Variants in ATP11B observed in about 807,000 individuals in gnomAD.
The protein encoded by ATP11B is ATPase phospholipid transporting 11B (putative).
ATP11B carries 81 observed loss-of-function variants against 157.8 expected under a neutral mutation model. That is an observed-to-expected ratio of 0.51 (90% CI 0.43 to 0.62). The LOEUF is 0.62. ATP11B is among the 20% of genes least tolerant of loss of function. ATP11B has a pLI of 0.00. For synonymous variants in ATP11B, 451 were observed against 469.4 expected (o/e 0.96, Z 0.51); for missense variants, 1,165 against 1,402.2 (o/e 0.83, Z 2.70).
chr3:182,898,872 T>C (rs183463029), intron 28 of ATP11B, 100 bp downstream of exon 28: 34 of 788,718 alleles, frequency 4.3e-5, no homozygotes, highest in Non-Finnish European at 5.8e-5. Context: ...AATAGGAAAT[T>C]AGCCATTCCT....
chr3:182,863,858 T>C (rs1212873936), intron 12 of ATP11B, among the ~76,000 whole-genome samples: 1 of 152,082 alleles, frequency 6.6e-6, no homozygotes, highest in Non-Finnish European at 1.5e-5. Flanking sequence ...TAATGTATCT[T>C]ATATATTTTC....
chr3:182,906,661 C>A (rs1724375622), intron 28 of ATP11B, among the ~76,000 whole-genome samples: 1 of 152,000 alleles, frequency 6.6e-6, no homozygotes, highest in African/African-American at 2.4e-5. Context: ...GTGTTGCACA[C>A]ACTGGTCTCA....
At chr3:182,811,833 C>T (rs1424402658) in intron 1 of ATP11B, among the ~76,000 whole-genome samples, 1 of 152,030 alleles carries the variant, frequency 6.6e-6, no homozygotes, top group East Asian at 1.9e-4. Flanking sequence ...TTTTGATAAA[C>T]ATTAAAAATG....
intron 10 of ATP11B, among the ~76,000 whole-genome samples, chr3:182,854,476 ACAAAAC>A (rs1560089207): frequency 2.4e-5 from 1 of 41,792 alleles, no homozygotes; most frequent in Non-Finnish European, 1.2e-4. Flanking sequence ...ATCTAAAAAA[ACAAAAC>A]AAAACAAAAC....
intron 12 of ATP11B, among the ~76,000 whole-genome samples, chr3:182,863,155 C>T (rs185243263): frequency 1.3e-5 from 2 of 152,170 alleles, no homozygotes; most frequent in East Asian, 1.9e-4. Context: ...CCACCCGCCT[C>T]GGCCTCCCAA....
At position 182,921,214 on chromosome 3, in the gene ATP11B, A is replaced by T. The variant is rs943190560; in HGVS notation, c.*3110A>T. ...AGTTTGGGGTATGATATAAGCAGGT[A>T]TTAATAAAAATAACACACCAAAGAG... On this transcript the variant is annotated 3_prime_UTR_variant, in exon 30 of 30. Coordinates refer to ENST00000323116, the MANE Select transcript of ATP11B (RefSeq NM_014616.3). 4 of 152,244 alleles carry T rather than the reference A, an allele frequency of 2.6e-5. No homozygotes were observed. Among genetic ancestry groups the T allele is most frequent in the African/African-American group, 9.6e-5 (4 of 41,468 alleles). The allele number at this position is 152,244 out of a possible 1,614,324, so 9.4% of individuals were successfully genotyped here.
intron 28 of ATP11B, among the ~76,000 whole-genome samples, chr3:182,904,764 CTGT>C (rs1206516056): frequency 6.6e-5 from 10 of 152,008 alleles, no homozygotes; most frequent in Non-Finnish European, 1.5e-4. Context: ...TGGCAGGCGC[CTGT>C]AACCCCAGCT....
intron 7 of ATP11B, among the ~76,000 whole-genome samples, chr3:182,838,962 T>TG (rs1718782752): frequency 6.6e-6 from 1 of 152,140 alleles, no homozygotes; most frequent in Non-Finnish European, 1.5e-5. Flanking sequence ...GATACAAAGT[T>TG]GGGGCTCTCA....
intron 28 of ATP11B, among the ~76,000 whole-genome samples, chr3:182,908,990 C>A (rs1020029242): frequency 6.6e-6 from 1 of 152,082 alleles, no homozygotes; most frequent in Non-Finnish European, 1.5e-5. Context: ...GGGCAAAAGA[C>A]CTAGCATGGT....
chr3:182,877,880 G>A (rs1352098933), intron 19 of ATP11B, among the ~76,000 whole-genome samples: 1 of 152,106 alleles, frequency 6.6e-6, no homozygotes, highest in Non-Finnish European at 1.5e-5. Context: ...AGATCATAAT[G>A]TGATTCATGA....
At chr3:182,801,607 T>TC (rs1347904875) in intron 1 of ATP11B, among the ~76,000 whole-genome samples, 1 of 152,104 alleles carries the variant, frequency 6.6e-6, no homozygotes, top group Non-Finnish European at 1.5e-5. Flanking sequence ...TTTTATCTAT[T>TC]CCCCCCACCC....
chr3:182,872,628 T>C (rs1721748914), intron 18 of ATP11B, 91 bp downstream of exon 18: 1 of 1,072,062 alleles, frequency 9.3e-7, no homozygotes, highest in Non-Finnish European at 1.3e-6. Flanking sequence ...TTCTCTTTAC[T>C]AACATCCCAT....
chr3:182,819,236 T>A (rs1466266170), intron 1 of ATP11B, among the ~76,000 whole-genome samples: 1 of 147,414 alleles, frequency 6.8e-6, no homozygotes, highest in African/African-American at 2.7e-5. Context: ...GCCCGGCTAA[T>A]TTTTTTTGTA....
intron 15 of ATP11B, among the ~76,000 whole-genome samples, chr3:182,868,552 G>A (rs1721414323): frequency 6.6e-6 from 1 of 151,948 alleles, no homozygotes; most frequent in African/African-American, 2.4e-5. Flanking sequence ...AGAGAGGCAC[G>A]AGGGAATGGA....
intron 12 of ATP11B, among the ~76,000 whole-genome samples, chr3:182,861,491 G>A (rs73883921): frequency 0.02 from 3,091 of 152,298 alleles, 99 homozygotes; most frequent in African/African-American, 0.072. Context: ...TGGAAGATAG[G>A]CATCAGAAGG....
intron 2 of ATP11B, among the ~76,000 whole-genome samples, chr3:182,827,417 G>A (rs1717797521): frequency 6.6e-6 from 1 of 152,042 alleles, no homozygotes; most frequent in Non-Finnish European, 1.5e-5. Flanking sequence ...TTTTATAGAG[G>A]AGCAAAGTGG....
chr3:182,813,522 C>T (rs1057058383), intron 1 of ATP11B, among the ~76,000 whole-genome samples: 3 of 152,070 alleles, frequency 2.0e-5, no homozygotes, highest in Admixed American at 6.6e-5. Flanking sequence ...AGGAATGGAT[C>T]CCCACCAACT....
In ATP11B at chr3:182,919,485, ATGT is replaced by A. The variant is rs1310389074; in HGVS notation, c.*1385_*1387del. 6.6e-6 allele frequency: 1 copy of A among 152,638 alleles called. No homozygotes were observed. 9.5% of individuals were successfully genotyped at this position (152,638 alleles called of 1,614,324 possible). A position where few individuals can be genotyped will look rare whatever the true frequency, so the allele number is the denominator to read the frequency against. On this transcript the variant is annotated 3_prime_UTR_variant, in exon 30 of 30. Coordinates refer to ENST00000323116, the MANE Select transcript of ATP11B (RefSeq NM_014616.3). The stretch of plus-strand genomic sequence containing the variant: ...TTTGTTTTTGTTTTATTGAAAAGTA[ATGT>A]TGTCTTAAGATTTAGAAGTGATTAT...
At chr3:182,916,680 AATTAT>A in intron 29 of ATP11B, 2 of 983,568 alleles carry the variant, frequency 2.0e-6, no homozygotes, top group East Asian at 1.1e-4. Flanking sequence ...TTCTGTCAAA[AATTAT>A]ATTTAACATA....
Sources: gnomAD v4.1 joint callset for allele counts (sites outside exome capture counted in the v4.1 genomes callset) on GRCh38, gnomAD v4.1.1 for gene constraint, MANE v1.5 for transcripts, NCBI Gene and HGNC (gene_info 2026-07-23, HGNC 2026-07-21) for gene names.